Variants in FOXP4 observed in about 807,000 individuals in gnomAD.
FOXP4 encodes forkhead box P4.
Under a neutral mutation model 82.6 loss-of-function variants are expected in FOXP4, and 25 were observed. The observed-to-expected ratio is 0.30, with a 90% CI of 0.22 to 0.42. The LOEUF is 0.42. FOXP4 is among the 10% of genes least tolerant of loss of function. FOXP4 has a pLI of 1.00. For synonymous variants in FOXP4, 415 were observed against 388.2 expected (o/e 1.07, Z -0.81); for missense variants, 785 against 900.9 (o/e 0.87, Z 1.65).
chr6:41,597,131 G>C, intron 14 of FOXP4, 45 bp from the exon 15 acceptor site: 1 of 1,592,230 alleles, frequency 6.3e-7, no homozygotes. Flanking sequence ...CGAATGAAGA[G>C]CTAAGTGAAT....
At chr6:41,569,528 T>C (rs1448248673) in intron 2 of FOXP4, among the ~76,000 whole-genome samples, 1 of 152,182 alleles carries the variant, frequency 6.6e-6, no homozygotes, top group Non-Finnish European at 1.5e-5. Flanking sequence ...TAGGACTCTC[T>C]CTGATAGGGG....
intron 3 of FOXP4, among the ~76,000 whole-genome samples, chr6:41,580,747 G>T (rs947269432): frequency 6.6e-6 from 1 of 152,062 alleles, no homozygotes; most frequent in African/African-American, 2.4e-5. Context: ...CTCCCCACCC[G>T]AGCAGAAGAG....
chr6:41,587,351 C>T lies in FOXP4; in HGVS notation c.711C>T (p.Pro237=), dbSNP rs202150520. The T allele has an allele frequency of 2.1e-5, 34 of 1,610,198 alleles. No individual in the cohort carries two copies. Among genetic ancestry groups the T allele is most frequent in the African/African-American group, 1.2e-4 (9 of 75,018 alleles). ...AGCTGTGGAAGGGCGAGGGTGCCCC[C>T]GGGCAGCCTGCCGAGGACAGCGTCA... ...LPQLWKGEGA[P]GQPAEDSVKQ... is the part of the protein sequence containing the mutation. Residue 237 remains proline (P), a synonymous_variant, in exon 7 of 17, where the codon CCC becomes CCT. Transcript: ENST00000307972.
At chr6:41,560,342 AC>A (rs1764496772) in intron 1 of FOXP4, among the ~76,000 whole-genome samples, 1 of 152,240 alleles carries the variant, frequency 6.6e-6, no homozygotes, top group Non-Finnish European at 1.5e-5. Flanking sequence ...ACACCAACTT[AC>A]AGGGTCAGGC....
chr6:41,554,695 A>G (rs1373222598), intron 1 of FOXP4, among the ~76,000 whole-genome samples: 1 of 152,090 alleles, frequency 6.6e-6, no homozygotes, highest in Non-Finnish European at 1.5e-5. Context: ...CCCCATCTCT[A>G]CTAAAAATAC....
intron 3 of FOXP4, among the ~76,000 whole-genome samples, chr6:41,580,361 C>A (rs1446473685): frequency 6.6e-6 from 1 of 152,226 alleles, no homozygotes; most frequent in East Asian, 1.9e-4. Flanking sequence ...CAGGCGTGAG[C>A]CATCGTGCCC....
In FOXP4 at chr6:41,585,451, G is replaced by A; in HGVS notation, c.444G>A (p.Lys148=). Reference sequence around the variant, plus strand: ...CCCAGCTACAGGAGTACTACAAGAAGCAGCAGGAGCAGCTCCACCTGCAGC... The same window carrying A: ...CCCAGCTACAGGAGTACTACAAGAAACAGCAGGAGCAGCTCCACCTGCAGC... ...MLQQLQEYYK[K]QQEQLHLQLL... The change falls in exon 5 of 17, where the codon AAG becomes AAA. Residue 148 remains lysine, a synonymous_variant. Coordinates refer to ENST00000307972, the MANE Select transcript of FOXP4 (RefSeq NM_001012426.2). The A allele has an allele frequency of 6.2e-7, 1 of 1,613,898 alleles. No homozygotes were observed. The highest frequency in any genetic ancestry group is 8.5e-7 in the Non-Finnish European group (1 of 1,179,894).
At chr6:41,553,216 T>C (rs1462067830) in intron 1 of FOXP4, among the ~76,000 whole-genome samples, 1 of 152,162 alleles carries the variant, frequency 6.6e-6, no homozygotes, top group Non-Finnish European at 1.5e-5. Flanking sequence ...GGGTGCTGCC[T>C]GCCCCCTCCC....
rs755812624 is a variant in FOXP4, at chr6:41,587,422, C to T, written c.782C>T (p.Ser261Leu). 4.4e-6 allele frequency: 7 copies of T among 1,580,354 alleles called. No individual in the cohort carries two copies. Among genetic ancestry groups the T allele is most frequent in the South Asian group, 1.2e-5 (1 of 84,786 alleles). The change falls in exon 7 of 17, where the codon TCG becomes TTG. Residue 261 changes from serine (S) to leucine (L), a missense_variant. By Grantham distance (145) the Ser-to-Leu change is moderately radical. Coordinates refer to ENST00000307972, the MANE Select transcript of FOXP4 (RefSeq NM_001012426.2). ...ACTGGCACGGCCGCCACCGCTACCT[C>T]GTTTGCCGCTCCCCCCAAGGTCTCA... ...DLTGTAATAT[S>L]FAAPPKVSPP...
intron 3 of FOXP4, among the ~76,000 whole-genome samples, chr6:41,581,515 C>T (rs944028513): frequency 3.3e-5 from 5 of 152,220 alleles, no homozygotes; most frequent in Non-Finnish European, 5.9e-5. Context: ...CAGATGGTGA[C>T]TCATGGGCCC....
Position 41,589,841 on chromosome 6 carries a change from C to T in FOXP4, c.1136C>T (p.Pro379Leu), listed in dbSNP as rs1766388524. ...HLHMRPSEPK[P>L]FSQPLNPVPG... ...CACATGCGGCCCTCGGAGCCCAAGC[C>T]CTTCAGCCAGCCAGTGAGTGCTGCT... The change falls in exon 10 of 17, where the codon CCC becomes CTC. Residue 379 changes from proline to leucine, a missense_variant. Around this residue, in one of 3 missense-constraint regions of FOXP4, gnomAD observed 570 missense variants for 634.0 expected, o/e 0.90. Coordinates refer to ENST00000307972, the MANE Select transcript of FOXP4 (RefSeq NM_001012426.2). The T allele has an allele frequency of 6.2e-7, 1 of 1,610,792 alleles. No homozygotes were observed. Among genetic ancestry groups the T allele is most frequent in the African/African-American group, 1.3e-5 (1 of 74,894 alleles).
chr6:41,566,015 G>A (rs749895361), intron 2 of FOXP4, 51 bp downstream of exon 2: 1 of 1,550,720 alleles, frequency 6.4e-7, no homozygotes, highest in Non-Finnish European at 8.8e-7. Flanking sequence ...GGGGCACTAG[G>A]CTGCATTCCA....
chr6:41,567,386 C>A, intron 2 of FOXP4, among the ~76,000 whole-genome samples: 1 of 152,244 alleles, frequency 6.6e-6, no homozygotes, highest in East Asian at 1.9e-4. Flanking sequence ...AGATATTCTT[C>A]AGGAGTTTGC....
At position 41,595,117 on chromosome 6, in the gene FOXP4, G is replaced by A. The variant is rs1394715449; in HGVS notation, c.1658+126G>A. 4 of 1,428,982 alleles carry A rather than the reference G, an allele frequency of 2.8e-6. No individual in the cohort carries two copies. In the African/African-American group the frequency reaches 5.6e-5, roughly 20 times the overall value. The allele number at this position is 1,428,982 out of a possible 1,614,324, so 88.5% of individuals were successfully genotyped here. On this transcript the variant is annotated intron_variant, in intron 14 of 16. Coordinates refer to ENST00000307972, the MANE Select transcript of FOXP4 (RefSeq NM_001012426.2). Reference sequence around the variant, plus strand: ...CTTCCTGGCTGGGGGAAGGGGTGTGGGGAGAAAGGAGCAGAGGAGACTAGT... The same window carrying A: ...CTTCCTGGCTGGGGGAAGGGGTGTGAGGAGAAAGGAGCAGAGGAGACTAGT...
intron 1 of FOXP4, among the ~76,000 whole-genome samples, chr6:41,562,238 G>A (rs1171710214): frequency 5.3e-5 from 8 of 152,202 alleles, no homozygotes; most frequent in Admixed American, 1.3e-4. Context: ...TGTTAGGTGG[G>A]CGGGAGCATG....
At chr6:41,585,286 A>C (rs528161372) in intron 4 of FOXP4, 145 bp from the exon 5 acceptor site, 1 of 785,042 alleles carries the variant, frequency 1.3e-6, no homozygotes, top group African/African-American at 1.8e-5. Flanking sequence ...GACCCTGCTC[A>C]GGGCCCCTCC....
Position 41,565,659 on chromosome 6 carries a change from G to T in FOXP4, c.-16-86G>T. 5 of 1,254,414 alleles carry T rather than the reference G, an allele frequency of 4.0e-6. No individual in the cohort carries two copies. In the South Asian group the frequency reaches 4.3e-5, roughly 11 times the overall value. The allele number at this position is 1,254,414 out of a possible 1,614,324, so 77.7% of individuals were successfully genotyped here. ...GTAGATGCCCAGCTACTCCTGTGGC[G>T]ATGGTTATGTTTTTGGGGGTCAGCA... On this transcript the variant is annotated intron_variant, in intron 1 of 16. Coordinates refer to ENST00000307972, the MANE Select transcript of FOXP4 (RefSeq NM_001012426.2).
At chr6:41,570,815 G>A (rs552790174) in intron 2 of FOXP4, among the ~76,000 whole-genome samples, 1 of 152,120 alleles carries the variant, frequency 6.6e-6, no homozygotes, top group Non-Finnish European at 1.5e-5. Context: ...AGTGGGGAAG[G>A]CTGCATCCTA....
At chr6:41,548,718 GGGCCGAA>G (rs1279979576) in intron 1 of FOXP4, 1 of 152,342 alleles carries the variant, frequency 6.6e-6, no homozygotes, top group Non-Finnish European at 1.5e-5. Context: ...GTAGGTGCAG[GGGCCGAA>G]GGCCAGGCCC....
Sources: gnomAD v4.1 joint callset for allele counts (sites outside exome capture counted in the v4.1 genomes callset) on GRCh38, gnomAD v4.1.1 for gene constraint, gnomAD v4.1.1 regional missense constraint, MANE v1.5 for transcripts, NCBI Gene and HGNC (gene_info 2026-07-23, HGNC 2026-07-21) for gene names.